Variants in SLC38A10 observed in about 807,000 individuals in gnomAD.
SLC38A10 encodes Sodium-coupled neutral amino acid transporter 10.
In SLC38A10, 53 loss-of-function variants were observed where a neutral mutation model predicts 81.0. The ratio of observed to expected loss-of-function variants is 0.65; its 90% CI spans 0.53 to 0.82. SLC38A10 has a LOEUF of 0.82. Among genes scored for constraint, SLC38A10 ranks in the 40% least tolerant of loss-of-function variants. The probability of loss-of-function intolerance (pLI) is 0.00; values close to 1 mark genes in which losing one functional copy is unlikely to be tolerated. For synonymous variants in SLC38A10, 665 were observed against 655.3 expected, an observed-to-expected ratio of 1.01 and a Z score of -0.23; for missense variants, 1,471 against 1,545.0, an observed-to-expected ratio of 0.95 and a Z score of 0.80.
Position 81,276,069 on chromosome 17 carries a change from T to A in SLC38A10, c.812A>T (p.Glu271Val), listed in dbSNP as rs772949961. The A allele has an allele frequency of 8.7e-6, 14 of 1,613,780 alleles. No individual in the cohort carries two copies. The highest frequency in any genetic ancestry group is 1.2e-5 in the Non-Finnish European group (14 of 1,180,012). ...CATCATGAAGCCCACACGGAGCATC[T>A]CCGTCACCAGGTTGGAGGGAAAGTG... The part of the protein sequence containing the change: ...LMHFPSNLVT[E>V]MLRVGFMMSV... Residue 271 changes from glutamate (E) to valine (V), a missense_variant, in exon 8 of 16, where the codon GAG (glutamate) becomes GTG (valine). By Grantham distance (121) the Glu-to-Val change is moderately radical. Transcript: ENST00000374759. This position sits in a 1 kb window ranked among gnomAD's most constrained non-coding sequence, Gnocchi z 4.7.
chr17:81,272,698 T>C (rs2063128022), intron 8 of SLC38A10, 71 bp from the exon 9 acceptor site: 20 of 1,159,006 alleles, frequency 1.7e-5, no homozygotes, highest in Non-Finnish European at 1.9e-5. Flanking sequence ...AAGCAAAGCC[T>C]GAAAGGGCTC....
Position 81,276,093 on chromosome 17 carries a change from T to C in SLC38A10, c.788A>G (p.His263Arg). The C allele has an allele frequency of 3.1e-6, 5 of 1,613,786 alleles. No individual in the cohort carries two copies. Among genetic ancestry groups the C allele is most frequent in the Non-Finnish European group, 4.2e-6 (5 of 1,179,940 alleles). The change falls in exon 8 of 16, where the codon CAC becomes CGC. Residue 263 changes from histidine to arginine, a missense_variant. By Grantham distance (29) the His-to-Arg change is conservative. This residue lies in a region of SLC38A10 where 720 missense variants were observed against 827.7 expected (regional missense o/e 0.87). Coordinates refer to ENST00000374759, the MANE Select transcript of SLC38A10 (RefSeq NM_001037984.3). The surrounding 1 kb of genome is among the most constrained non-coding windows in gnomAD (Gnocchi z 4.7). ...TEATAGNVLM[H>R]FPSNLVTEML... is the part of the protein sequence containing the mutation. ...CTCCGTCACCAGGTTGGAGGGAAAG[T>C]GCATGAGCACGTTGCCGGCCGTGGC...
At chr17:81,261,737 C>T (rs919013641) in intron 10 of SLC38A10, among the ~76,000 whole-genome samples, 3 of 152,350 alleles carry the variant, frequency 2.0e-5, no homozygotes, top group South Asian at 2.1e-4. Flanking sequence ...CAGTGGGCTC[C>T]GCCGAAGGGA....
intron 1 of SLC38A10, among the ~76,000 whole-genome samples, chr17:81,291,959 C>T (rs1388008211): frequency 2.0e-5 from 3 of 152,118 alleles, no homozygotes; most frequent in South Asian, 2.1e-4. Flanking sequence ...CCACAGAGTA[C>T]GCTCCTTAAT....
chr17:81,292,581 G>A (rs2063319902), intron 1 of SLC38A10, among the ~76,000 whole-genome samples: 1 of 152,230 alleles, frequency 6.6e-6, no homozygotes, highest in Non-Finnish European at 1.5e-5. Context: ...TGCCGTGGAG[G>A]AGACGCTGCG....
At chr17:81,264,390 T>G (rs1233771301) in intron 10 of SLC38A10, 3 of 152,218 alleles carry the variant, frequency 2.0e-5, no homozygotes, top group African/African-American at 7.2e-5. Flanking sequence ...TCGGCAGTTA[T>G]CAGATCAATA....
chr17:81,284,817 G>C (rs116440524), intron 3 of SLC38A10, 33 bp downstream of exon 3: 17 of 1,502,236 alleles, frequency 1.1e-5, no homozygotes, highest in Admixed American at 1.1e-4. Context: ...GTGCGGGGGT[G>C]GGGGGCAAGC....
In SLC38A10 at chr17:81,270,984, G is replaced by A. The variant is rs1254310275; in HGVS notation, c.1065C>T (p.Ser355=). Residue 355 remains serine (S), a synonymous_variant, in exon 10 of 16, where the codon AGC becomes AGT. Transcript: ENST00000374759. This position sits in a 1 kb window ranked among gnomAD's most constrained non-coding sequence, Gnocchi z 4.0. ...GCGCCGGGCAGATGAAGCAGATGAG[G>A]CTTCCCATGGTCGCTCCTGTGAGGC... The part of the protein sequence containing the change: ...ILGLTGATMG[S]LICFICPALI... 10 of 1,613,666 alleles carry A rather than the reference G, an allele frequency of 6.2e-6. No individual in the cohort carries two copies. Among genetic ancestry groups the A allele is most frequent in the Non-Finnish European group, 8.5e-6 (10 of 1,180,018 alleles).
Position 81,282,259 on chromosome 17 carries a change from C to G in SLC38A10, c.431G>C (p.Arg144Pro). Residue 144 changes from arginine (R) to proline (P), a missense_variant, in exon 5 of 16, where the codon CGG (arginine) becomes CCG (proline). This residue lies in a region of SLC38A10 where 720 missense variants were observed against 827.7 expected (regional missense o/e 0.87). Transcript: ENST00000374759. ...GGACTGGATGGAGGCCATCATGTTC[C>G]GCTGCAGGCTGAGCGGGAGCACGAT... The part of the protein sequence containing the change: ...LCIVLPLSLQ[R>P]NMMASIQSFS... 1 of 1,613,630 alleles carries G rather than the reference C, an allele frequency of 6.2e-7. No homozygotes were observed. The highest frequency in any genetic ancestry group is 8.5e-7 in the Non-Finnish European group (1 of 1,180,026).
intron 3 of SLC38A10, among the ~76,000 whole-genome samples, 157 bp downstream of exon 3, chr17:81,284,693 G>A (rs1280323076): frequency 1.3e-5 from 2 of 152,176 alleles, no homozygotes; most frequent in Non-Finnish European, 2.9e-5. Context: ...TTACAACACT[G>A]AAGGGTACAA....
At chr17:81,275,839 C>T in intron 8 of SLC38A10, 130 bp downstream of exon 8, 2 of 1,089,008 alleles carry the variant, frequency 1.8e-6, no homozygotes, top group Non-Finnish European at 2.6e-6. Context: ...CCAACTTCCG[C>T]CCTCCCGGGA....
intron 10 of SLC38A10, among the ~76,000 whole-genome samples, chr17:81,266,720 G>C (rs1489626037): frequency 1.3e-5 from 2 of 152,222 alleles, no homozygotes; most frequent in African/African-American, 2.4e-5. Context: ...AAACAGATGG[G>C]AACGAAGGAC....
chr17:81,260,168 C>T (rs971484449), intron 11 of SLC38A10, 70 bp downstream of exon 11: 31 of 1,505,548 alleles, frequency 2.1e-5, no homozygotes, highest in South Asian at 9.2e-5. Flanking sequence ...GCACAATCCT[C>T]GGACCAGACC....
chr17:81,294,935 G>C lies in SLC38A10; in HGVS notation c.-14C>G, dbSNP rs1383321688. 2 of 1,571,170 alleles carry C rather than the reference G, an allele frequency of 1.3e-6. No homozygotes were observed. Among genetic ancestry groups the C allele is most frequent in the Admixed American group, 3.8e-5 (2 of 53,246 alleles). ...GGCCGCGGTCATAGTGAGAGGTCTAGGGGCCCGGGGCGAGAGGCCTCGGGG... is the reference window on the plus strand; with the variant it reads ...GGCCGCGGTCATAGTGAGAGGTCTACGGGCCCGGGGCGAGAGGCCTCGGGG... On this transcript the variant is annotated 5_prime_UTR_variant, in exon 1 of 16. Coordinates refer to ENST00000374759, the MANE Select transcript of SLC38A10 (RefSeq NM_001037984.3).
In SLC38A10 at chr17:81,246,106, A is replaced by G. The variant is rs1344720255; in HGVS notation, c.2810T>C (p.Leu937Pro). ...CGCCCCACCGGGCAGGTCCGCTGCA[A>G]GGCCCAGGTCTCGGCTCACTTGCTT... Reference protein sequence around the residue: ...KPKQVSRDLGLAADLPGGAEG... With the variant: ...KPKQVSRDLGPAADLPGGAEG... Residue 937 changes from leucine (L) to proline (P), a missense_variant, in exon 16 of 16, where the codon CTT becomes CCT. By Grantham distance (98) the Leu-to-Pro change is moderately conservative. Transcript: ENST00000374759. 6.2e-7 allele frequency: 1 copy of G among 1,608,874 alleles called. No homozygotes were observed. Among genetic ancestry groups the G allele is most frequent in the Non-Finnish European group, 8.5e-7 (1 of 1,179,482 alleles).
rs1355851031 is a variant in SLC38A10 at position 81,257,831 on chromosome 17, G to A, written c.1288+2407C>T. Among the ~76,000 whole-genome samples, 7 of 152,356 alleles carry A rather than the reference G, an allele frequency of 4.6e-5. No homozygotes were observed. In the South Asian group the frequency reaches 6.2e-4, roughly 14 times the overall value. ...TGGGGGAGCGGGGACGAGGGTGCCC[G>A]AGGGGTGCGGGCCCTGCTGTGCTGC... On this transcript the variant is annotated intron_variant, in intron 11 of 15. Transcript: ENST00000374759.
chr17:81,255,464 G>A (rs2062963425), intron 11 of SLC38A10, among the ~76,000 whole-genome samples: 1 of 152,238 alleles, frequency 6.6e-6, no homozygotes, highest in Admixed American at 6.5e-5. Context: ...AACACAGGTT[G>A]CGCAAAGACA....
Position 81,286,978 on chromosome 17 carries a change from T to C in SLC38A10, c.218-2083A>G, listed in dbSNP as rs1471877167. Among the ~76,000 whole-genome samples the C allele has an allele frequency of 6.6e-6, 1 of 152,160 alleles. No individual in the cohort carries two copies. Among genetic ancestry groups the C allele is most frequent in the Non-Finnish European group, 1.5e-5 (1 of 68,040 alleles). On this transcript the variant is annotated intron_variant, in intron 2 of 15. Transcript: ENST00000374759. The surrounding 1 kb of genome is among the most constrained non-coding windows in gnomAD (Gnocchi z 6.0). ...AGAAGCCGCGACAGCTGAAGGAGGC[T>C]GAATGACTGATGTATCTGTGTGTCT...
intron 11 of SLC38A10, among the ~76,000 whole-genome samples, chr17:81,258,682 G>A (rs372657297): frequency 4.4e-4 from 67 of 152,278 alleles, no homozygotes; most frequent in Non-Finnish European, 7.9e-4. Context: ...CCATGTCAGC[G>A]CCCAGTCTAG....
Sources: allele counts gnomAD v4.1 joint callset (sites outside exome capture counted in the v4.1 genomes callset), GRCh38; gene constraint gnomAD v4.1.1; regional missense constraint gnomAD v4.1.1; non-coding constraint Gnocchi (gnomAD v3.1); transcripts MANE v1.5; gene names NCBI Gene and HGNC (gene_info 2026-07-23, HGNC 2026-07-21).